The following NFAT5 variants were observed in gnomAD, a reference collection of about 807,000 sequenced individuals.
NFAT5 encodes the protein nuclear factor of activated T cells 5, also known as nuclear factor of activated T-cells 5.
In NFAT5, 31 loss-of-function variants were observed where a neutral mutation model predicts 166.5. The observed-to-expected ratio is 0.19, with a 90% confidence interval of 0.14 to 0.25. The LOEUF is 0.25. Ranked by LOEUF, NFAT5 falls within the 10% of genes least tolerant of loss-of-function variation. The probability of loss-of-function intolerance (pLI) is 1.00; values close to 1 mark genes in which losing one functional copy is unlikely to be tolerated. For missense variants in NFAT5, 1,449 were observed against 1,821.8 expected (o/e 0.80, Z 3.72); for synonymous variants, 612 against 639.7 (o/e 0.96, Z 0.65).
chr16:69,596,442 G>A lies in NFAT5; in HGVS notation c.127+27894G>A, dbSNP rs932172219. Reference sequence around the variant, plus strand: ...AGTCTTAAAAAAAGAAAAGAAGGCCGGGTGCAGTGGCTCACGCCTGTAATC... The same window carrying A: ...AGTCTTAAAAAAAGAAAAGAAGGCCAGGTGCAGTGGCTCACGCCTGTAATC... On this transcript the variant is annotated intron_variant, in intron 2 of 14. Coordinates refer to ENST00000349945, the MANE Select transcript of NFAT5 (RefSeq NM_138713.4). Among the ~76,000 whole-genome samples, 12 of 152,100 alleles carry A rather than the reference G, an allele frequency of 7.9e-5. No individual in the cohort carries two copies. In the South Asian group the frequency reaches 1.0e-3, roughly 13 times the overall value.
At chr16:69,634,121 T>C (rs1304896747) in intron 3 of NFAT5, among the ~76,000 whole-genome samples, 1 of 151,514 alleles carries the variant, frequency 6.6e-6, no homozygotes, top group Non-Finnish European at 1.5e-5. Flanking sequence ...CTACTAAAAA[T>C]ACAAAAATTA....
chr16:69,603,474 T>A (rs1264002339), intron 2 of NFAT5, among the ~76,000 whole-genome samples: 1 of 152,096 alleles, frequency 6.6e-6, no homozygotes, highest in Non-Finnish European at 1.5e-5. Context: ...ATAGAACATA[T>A]CAGCCAGGCA....
chr16:69,668,836 G>A (rs910658677), intron 7 of NFAT5, among the ~76,000 whole-genome samples: 16 of 151,806 alleles, frequency 1.1e-4, no homozygotes, highest in African/African-American at 2.9e-4. Flanking sequence ...CCACCACCAC[G>A]CCCAGCTAAT....
chr16:69,696,507 T>A lies in NFAT5; in HGVS notation c.*156T>A, dbSNP rs558238515. The A allele has an allele frequency of 5.2e-5, 8 of 152,774 alleles. No homozygotes were observed. In the East Asian group the frequency reaches 1.5e-3, roughly 29 times the overall value. The allele number at this position is 152,774 out of a possible 1,614,324, so 9.5% of individuals were successfully genotyped here. ...CTCTGACTGCAAAAGAGCACACCTA[T>A]GCTGCTTGTTGCAGTAACTAACCAC... is the stretch of plus-strand genomic sequence containing the variant. On this transcript the variant is annotated 3_prime_UTR_variant, in exon 15 of 15. Coordinates refer to ENST00000349945, the MANE Select transcript of NFAT5 (RefSeq NM_138713.4).
intron 3 of NFAT5, among the ~76,000 whole-genome samples, chr16:69,639,756 C>T (rs1301267049): frequency 6.6e-6 from 1 of 152,112 alleles, no homozygotes; most frequent in Non-Finnish European, 1.5e-5. Context: ...TTGCTCAGAA[C>T]ATATCTTCTT....
Position 69,566,227 on chromosome 16 carries a change from C to T in NFAT5, c.-75C>T, listed in dbSNP as rs940818780. On this transcript the variant is annotated 5_prime_UTR_variant, in exon 1 of 15. Transcript: ENST00000349945. The surrounding 1 kb of genome is among the most constrained non-coding windows in gnomAD (Gnocchi z 5.7). ...CCGCCCCCGGTTCGGTGCCCGCGGT[C>T]CCGGAGAGGAGGTGCCGCCGCCACC... 2 of 1,410,648 alleles carry T rather than the reference C, an allele frequency of 1.4e-6. No individual in the cohort carries two copies. Among genetic ancestry groups the T allele is most frequent in the South Asian group, 2.5e-5 (2 of 81,092 alleles). The allele number at this position is 1,410,648 out of a possible 1,614,324, so 87.4% of individuals were successfully genotyped here.
chr16:69,594,411 G>A (rs2032664954), intron 2 of NFAT5, among the ~76,000 whole-genome samples: 2 of 152,074 alleles, frequency 1.3e-5, no homozygotes, highest in Admixed American at 1.3e-4. Context: ...TAATTTTATG[G>A]GACCAGTGTT....
chr16:69,660,107 G>T (rs2036058173), intron 7 of NFAT5, among the ~76,000 whole-genome samples: 1 of 152,290 alleles, frequency 6.6e-6, no homozygotes, highest in Non-Finnish European at 1.5e-5. Flanking sequence ...GGAACATTTT[G>T]TAGTTTCCTA....
chr16:69,603,675 C>G (rs2033258015), intron 2 of NFAT5, among the ~76,000 whole-genome samples: 1 of 152,134 alleles, frequency 6.6e-6, no homozygotes, highest in Non-Finnish European at 1.5e-5. Flanking sequence ...TGGCTTGAGC[C>G]TGGGAGGCAG....
chr16:69,628,779 T>C (rs2034579196), intron 3 of NFAT5, among the ~76,000 whole-genome samples: 1 of 152,142 alleles, frequency 6.6e-6, no homozygotes, highest in Non-Finnish European at 1.5e-5. Flanking sequence ...AAAAAATCTT[T>C]AGCATTTTTG....
chr16:69,641,032 C>T (rs1295167008), intron 3 of NFAT5, among the ~76,000 whole-genome samples: 1 of 151,254 alleles, frequency 6.6e-6, no homozygotes, highest in South Asian at 2.1e-4. Flanking sequence ...GTAATCCCAG[C>T]ACTTTGAGAG....
intron 7 of NFAT5, among the ~76,000 whole-genome samples, chr16:69,664,854 C>T (rs942288627): frequency 6.6e-6 from 1 of 151,976 alleles, no homozygotes; most frequent in African/African-American, 2.4e-5. Flanking sequence ...ATGGAGAAAA[C>T]CCATCTCTGC....
chr16:69,607,552 C>G (rs960311346), intron 2 of NFAT5, among the ~76,000 whole-genome samples: 5 of 152,176 alleles, frequency 3.3e-5, no homozygotes, highest in Admixed American at 3.3e-4. Flanking sequence ...TGAGTCTTAA[C>G]CCCTTAATTC....
intron 10 of NFAT5, among the ~76,000 whole-genome samples, chr16:69,677,630 T>C (rs16959043): frequency 0.017 from 2,662 of 152,310 alleles, 82 homozygotes; most frequent in African/African-American, 0.057. Flanking sequence ...TTTCCATGCA[T>C]TGACTACCGC....
At chr16:69,582,732 A>T (rs1412229162) in intron 2 of NFAT5, among the ~76,000 whole-genome samples, 1 of 142,972 alleles carries the variant, frequency 7.0e-6, no homozygotes, top group South Asian at 2.2e-4. Context: ...CTGTATGTCT[A>T]TCCTGTGTCA....
intron 2 of NFAT5, among the ~76,000 whole-genome samples, chr16:69,572,729 A>T (rs1368425174): frequency 6.6e-6 from 1 of 152,236 alleles, no homozygotes; most frequent in Non-Finnish European, 1.5e-5. Context: ...TATAAACAAT[A>T]GATTTAACAA....
chr16:69,614,550 T>C (rs925976391), intron 2 of NFAT5, among the ~76,000 whole-genome samples: 14 of 152,310 alleles, frequency 9.2e-5, no homozygotes, highest in African/African-American at 3.1e-4. Context: ...ATAGTGCAAA[T>C]AATTTATTGC....
chr16:69,673,576 A>C (rs1349859126), intron 9 of NFAT5, among the ~76,000 whole-genome samples: 2 of 152,118 alleles, frequency 1.3e-5, no homozygotes, highest in Non-Finnish European at 2.9e-5. Context: ...TTTAAAATAT[A>C]GCCAGTCATG....
chr16:69,619,728 T>C (rs2034117043), intron 2 of NFAT5, among the ~76,000 whole-genome samples: 1 of 152,326 alleles, frequency 6.6e-6, no homozygotes, highest in Admixed American at 6.5e-5. Flanking sequence ...TTGAGGTCTT[T>C]TCATCTCTTC....
Sources: gnomAD v4.1 joint callset for allele counts (sites outside exome capture counted in the v4.1 genomes callset) on GRCh38, gnomAD v4.1.1 for gene constraint, Gnocchi (gnomAD v3.1) non-coding constraint, MANE v1.5 for transcripts, NCBI Gene and HGNC (gene_info 2026-07-23, HGNC 2026-07-21) for gene names.